Variants in ZNF670 observed in about 807,000 individuals in gnomAD.
ZNF670 encodes zinc finger protein 670.
ZNF670 carries 7 observed loss-of-function variants against 10.9 expected under a neutral mutation model. The ratio of observed to expected loss-of-function variants is 0.64; its 90% CI spans 0.36 to 1.20. The LOEUF is 1.20. Ranked by LOEUF, ZNF670 falls within the 50% of genes most tolerant of loss-of-function variation. The probability of loss-of-function intolerance (pLI) is 0.02; values close to 1 mark genes in which losing one functional copy is unlikely to be tolerated. For synonymous variants in ZNF670, 136 were observed against 152.7 expected, an observed-to-expected ratio of 0.89 and a Z score of 0.81; for missense variants, 446 against 458.6, an observed-to-expected ratio of 0.97 and a Z score of 0.25.
chr1:247,076,731 G>A (rs112263775), intron 1 of ZNF670, among the ~76,000 whole-genome samples: 36,316 of 150,010 alleles, frequency 0.24, 4,970 homozygotes, highest in African/African-American at 0.37. Flanking sequence ...CACCATCTCA[G>A]CTCACTGCAA....
chr1:247,042,352 T>TA (rs1206913139), intron 1 of ZNF670, among the ~76,000 whole-genome samples: 1 of 152,214 alleles, frequency 6.6e-6, no homozygotes, highest in African/African-American at 2.4e-5. Context: ...TGTCTGAACA[T>TA]TCTGCTAGTG....
intron 1 of ZNF670, among the ~76,000 whole-genome samples, chr1:247,061,401 T>C (rs534829380): frequency 5.9e-5 from 9 of 152,144 alleles, no homozygotes; most frequent in African/African-American, 1.7e-4. Context: ...CAGGCTAGTC[T>C]TGAACTTCTG....
At chr1:247,060,463 C>G (rs1190861039) in intron 1 of ZNF670, among the ~76,000 whole-genome samples, 1 of 152,168 alleles carries the variant, frequency 6.6e-6, no homozygotes, top group Non-Finnish European at 1.5e-5. Context: ...ATAAACTCAA[C>G]ATAGATTATA....
chr1:247,041,578 AC>A (rs1272186968), intron 1 of ZNF670, among the ~76,000 whole-genome samples: 3 of 152,156 alleles, frequency 2.0e-5, no homozygotes, highest in African/African-American at 7.2e-5. Flanking sequence ...GTCAACTGAT[AC>A]CCTCCATTGC....
intron 1 of ZNF670, chr1:247,043,757 G>A (rs1237559091): frequency 5.0e-5 from 19 of 379,998 alleles, no homozygotes; most frequent in South Asian, 1.7e-4. Flanking sequence ...AAAACAGGTC[G>A]CATTTCTGTG....
intron 1 of ZNF670, 139 bp from the exon 2 acceptor site, chr1:247,039,676 CTCTG>C: frequency 1.0e-6 from 1 of 958,480 alleles, no homozygotes; most frequent in Non-Finnish European, 1.4e-6. Context: ...GAACTTTACT[CTCTG>C]TCTGCACTTA....
chr1:247,060,839 T>C (rs1244140277), intron 1 of ZNF670, among the ~76,000 whole-genome samples: 2 of 152,204 alleles, frequency 1.3e-5, no homozygotes. Flanking sequence ...TTCATAATTC[T>C]GGAGAGAAAT....
chr1:247,048,350 T>C (rs1315377732), intron 1 of ZNF670, among the ~76,000 whole-genome samples: 1 of 152,172 alleles, frequency 6.6e-6, no homozygotes, highest in Non-Finnish European at 1.5e-5. Flanking sequence ...TTTGCTTCAG[T>C]TCCCAAGAAG....
intron 1 of ZNF670, among the ~76,000 whole-genome samples, chr1:247,051,281 T>C (rs1267450851): frequency 1.3e-5 from 2 of 151,126 alleles, no homozygotes; most frequent in Non-Finnish European, 2.9e-5. Context: ...AAAAAAAAAC[T>C]CCTTTTAGCA....
At chr1:247,075,734 A>G (rs1277806138) in intron 1 of ZNF670, among the ~76,000 whole-genome samples, 2 of 152,244 alleles carry the variant, frequency 1.3e-5, no homozygotes, top group Admixed American at 1.3e-4. Context: ...ATGTGGAAAT[A>G]TAAGTCCTTT....
intron 1 of ZNF670, among the ~76,000 whole-genome samples, chr1:247,064,036 G>A (rs1670927482): frequency 6.6e-6 from 1 of 152,236 alleles, no homozygotes; most frequent in African/African-American, 2.4e-5. Context: ...GGCTGGGTCT[G>A]GCCTCAGCCA....
intron 1 of ZNF670, chr1:247,043,438 A>G (rs769266991): frequency 2.0e-5 from 12 of 601,226 alleles, no homozygotes; most frequent in Non-Finnish European, 2.9e-5. Context: ...AAATCTATAA[A>G]CATAATAAAA....
chr1:247,053,732 A>G (rs1670652431), intron 1 of ZNF670, among the ~76,000 whole-genome samples: 1 of 152,252 alleles, frequency 6.6e-6, no homozygotes, highest in Admixed American at 6.5e-5. Context: ...AGACGCTGAA[A>G]AATTTAAAAA....
rs138211753 is a variant in ZNF670 at position 247,078,789 on chromosome 1, C to T, written c.-193G>A. 4 of 611,014 alleles carry T rather than the reference C, an allele frequency of 6.5e-6. No individual in the cohort carries two copies. The highest frequency in any genetic ancestry group is 5.8e-5 in the East Asian group (2 of 34,424). The allele number at this position is 611,014 out of a possible 1,614,324, so 37.8% of individuals were successfully genotyped here. A position where few individuals can be genotyped will look rare whatever the true frequency, so the allele number is the denominator to read the frequency against. ...CGCCAGGTCCCGGAAGCTGCTCCCTCCTTTCGCGGCGCGCTTGAGAGTACA... is the reference window on the plus strand; with the variant it reads ...CGCCAGGTCCCGGAAGCTGCTCCCTTCTTTCGCGGCGCGCTTGAGAGTACA... On this transcript the variant is annotated 5_prime_UTR_variant, in exon 1 of 4. Coordinates refer to ENST00000366503, the MANE Select transcript of ZNF670 (RefSeq NM_033213.5).
chr1:247,075,906 G>A (rs1420704213), intron 1 of ZNF670, among the ~76,000 whole-genome samples: 5 of 152,088 alleles, frequency 3.3e-5, no homozygotes, highest in African/African-American at 9.7e-5. Flanking sequence ...CTCTTGGGAA[G>A]AAAAAGGTTA....
chr1:247,053,404 A>G (rs1246673045), intron 1 of ZNF670, among the ~76,000 whole-genome samples: 3 of 152,162 alleles, frequency 2.0e-5, no homozygotes, highest in South Asian at 4.1e-4. Context: ...AGGCCGAGGT[A>G]GGTGGATCAC....
Position 247,072,735 on chromosome 1 carries a change from C to T in ZNF670, c.3+5859G>A, listed in dbSNP as rs192699733. 2.3e-4 allele frequency among the ~76,000 whole-genome samples: 33 copies of T among 145,228 alleles called. No individual in the cohort carries two copies. In the East Asian group the frequency reaches 3.8e-3, roughly 17 times the overall value. ...CTGGGAGTCGGAGGTTGTGGTGAGCCGAGACTGTGCCATTACACTCCAGCC... is the reference window on the plus strand; with the variant it reads ...CTGGGAGTCGGAGGTTGTGGTGAGCTGAGACTGTGCCATTACACTCCAGCC... On this transcript the variant is annotated intron_variant, in intron 1 of 3. Transcript: ENST00000366503.
rs555929856 is a variant in ZNF670, at chr1:247,039,307, C to T, written c.130+104G>A. The T allele has an allele frequency of 9.7e-4, 1,303 of 1,349,490 alleles. 1 individual carries two copies. Among genetic ancestry groups the T allele is most frequent in the Admixed American group, 2.3e-3 (95 of 40,622 alleles). 83.6% of individuals were successfully genotyped at this position (1,349,490 alleles called of 1,614,324 possible). ...AACTCCTGACCTCAGGCGATTCACC[C>T]GCCTTGGCCTCCCAAAGTGCTGGGA... On this transcript the variant is annotated intron_variant, in intron 2 of 3. Transcript: ENST00000366503.
At chr1:247,075,741 C>A (rs1292052192) in intron 1 of ZNF670, among the ~76,000 whole-genome samples, 1 of 152,178 alleles carries the variant, frequency 6.6e-6, no homozygotes, top group Non-Finnish European at 1.5e-5. Context: ...AATATAAGTC[C>A]TTTAAATCTC....
Sources: allele counts gnomAD v4.1 joint callset (sites outside exome capture counted in the v4.1 genomes callset), GRCh38; gene constraint gnomAD v4.1.1; transcripts MANE v1.5; gene names NCBI Gene and HGNC (gene_info 2026-07-23, HGNC 2026-07-21).